The following COL1A2 variants were observed in gnomAD, a reference collection of about 807,000 sequenced individuals.
The protein encoded by COL1A2 is collagen type I alpha 2 chain.
Under a neutral mutation model 174.3 loss-of-function variants are expected in COL1A2, and 49 were observed. The ratio of observed to expected loss-of-function variants is 0.28; its 90% CI spans 0.22 to 0.36. COL1A2 has a LOEUF of 0.36. Ranked by LOEUF, COL1A2 falls within the 10% of genes least tolerant of loss-of-function variation. The pLI, the probability that COL1A2 is intolerant of heterozygous loss-of-function variation, is 1.00. For missense variants in COL1A2, 1,438 were observed against 1,822.7 expected (o/e 0.79, Z 3.84); for synonymous variants, 655 against 606.6 (o/e 1.08, Z -1.17).
At chr7:94,411,782 C>T (rs1008759642) in intron 23 of COL1A2, among the ~76,000 whole-genome samples, 6 of 152,102 alleles carry the variant, frequency 3.9e-5, no homozygotes, top group African/African-American at 1.2e-4. Context: ...AGGTAAATAA[C>T]GTGATACATT....
Position 94,425,612 on chromosome 7 carries a change from C to A in COL1A2, c.2784C>A (p.Gly928=), listed in dbSNP as rs1483107061. Residue 928 remains glycine (G), a splice_region_variant and synonymous_variant, in exon 43 of 52, where the codon GGC becomes GGA. Coordinates refer to ENST00000297268, the MANE Select transcript of COL1A2 (RefSeq NM_000089.4). ...TAATTTGTGTGGTGTCTTCACAGGG[C>A]AACCCTGGGAACGATGGTCCCCCAG... ...NGAPGEAGRD[G]NPGNDGPPGR... The A allele has an allele frequency of 2.5e-6, 4 of 1,614,034 alleles. No homozygotes were observed. The highest frequency in any genetic ancestry group is 1.1e-5 in the South Asian group (1 of 91,076).
Position 94,400,364 on chromosome 7 carries a change from C to A in COL1A2, c.225+76C>A, listed in dbSNP as rs1584313641. The A allele has an allele frequency of 3.2e-6, 4 of 1,241,584 alleles. No individual in the cohort carries two copies. The East Asian group carries it at 7.0e-5, about 22-fold the overall frequency. The allele number at this position is 1,241,584 out of a possible 1,614,324, so 76.9% of individuals were successfully genotyped here. ...GGTTTATTGTGGAATTTATTTTTAG[C>A]AGTTAAGGGATAATTCTTCCATTTG... On this transcript the variant is annotated intron_variant, in intron 5 of 51. Coordinates refer to ENST00000297268, the MANE Select transcript of COL1A2 (RefSeq NM_000089.4).
At chr7:94,419,680 G>T (rs1242368448) in intron 34 of COL1A2, 129 bp downstream of exon 34, 1 of 985,254 alleles carries the variant, frequency 1.0e-6, no homozygotes, top group East Asian at 2.5e-5. Context: ...CCTAGCTATT[G>T]TGATAGAGCA....
chr7:94,427,661 C>T lies in COL1A2; in HGVS notation c.3302C>T (p.Pro1101Leu). ...PPGPPGPPGPPGVSGGGYDFG... is the reference protein window; with the variant it reads ...PPGPPGPPGPLGVSGGGYDFG... ...GGTCCCCCTGGCCCTCCTGGACCTCCAGGTGTAAGCGGTGGTGGTTATGAC... is the reference window on the plus strand; with the variant it reads ...GGTCCCCCTGGCCCTCCTGGACCTCTAGGTGTAAGCGGTGGTGGTTATGAC... Residue 1101 changes from proline (P) to leucine (L), a missense_variant, in exon 49 of 52, where the codon CCA becomes CTA. Pro to Leu is a moderately conservative substitution (Grantham distance 98, BLOSUM62 -3). This residue lies in a region of COL1A2 where 867 missense variants were observed against 1,213.7 expected (regional missense o/e 0.71). Transcript: ENST00000297268. The T allele has an allele frequency of 6.2e-7, 1 of 1,614,168 alleles. No individual in the cohort carries two copies. Among genetic ancestry groups the T allele is most frequent in the Non-Finnish European group, 8.5e-7 (1 of 1,180,030 alleles).
At chr7:94,410,013 T>C (rs563719173) in intron 19 of COL1A2, among the ~76,000 whole-genome samples, 192 bp downstream of exon 19, 1 of 152,356 alleles carries the variant, frequency 6.6e-6, no homozygotes, top group East Asian at 1.9e-4. Flanking sequence ...CTTCCTGTTA[T>C]CTTAAATCAT....
Position 94,417,789 on chromosome 7 carries a change from A to C in COL1A2, c.1929A>C (p.Gly643=). ...CATCTGGTCCTAGTGGACTCCCAGG[A>C]GAGAGGGGTGCTGCTGGCATACCTG... ...AGPSGPSGLP[G]ERGAAGIPGG... Residue 643 remains glycine, a synonymous_variant, in exon 32 of 52, where the codon GGA becomes GGC. Coordinates refer to ENST00000297268, the MANE Select transcript of COL1A2 (RefSeq NM_000089.4). 6.2e-7 allele frequency: 1 copy of C among 1,604,898 alleles called. No individual in the cohort carries two copies. Among genetic ancestry groups the C allele is most frequent in the South Asian group, 1.1e-5 (1 of 88,598 alleles).
At chr7:94,398,598 C>T (rs538783885) in intron 3 of COL1A2, among the ~76,000 whole-genome samples, 13 of 151,460 alleles carry the variant, frequency 8.6e-5, no homozygotes, top group Non-Finnish European at 1.8e-4. Flanking sequence ...TCTGTAATTA[C>T]ATTTATGTGA....
chr7:94,405,979 T>A (rs1181022432), intron 11 of COL1A2, among the ~76,000 whole-genome samples: 1 of 152,170 alleles, frequency 6.6e-6, no homozygotes, highest in Non-Finnish European at 1.5e-5. Flanking sequence ...ATTGAGTATT[T>A]ACAACCGTCT....
At chr7:94,412,470 C>G (rs1791948658) in intron 24 of COL1A2, 114 bp from the exon 25 acceptor site, 1 of 813,370 alleles carries the variant, frequency 1.2e-6, no homozygotes, top group African/African-American at 1.7e-5. Flanking sequence ...ACGCTTTATA[C>G]AAGAAGCTCT....
rs1256455889 is a variant in COL1A2, at chr7:94,425,241, G to A, written c.2781+17G>A. 6.2e-7 allele frequency: 1 copy of A among 1,605,622 alleles called. No homozygotes were observed. The highest frequency in any genetic ancestry group is 2.2e-5 in the East Asian group (1 of 44,834). Reference sequence around the variant, plus strand: ...GGTCGTGATGTGAGTCCAACACTTGGTTTGTAAAATAAAACTGAGCAGGAT... The same window carrying A: ...GGTCGTGATGTGAGTCCAACACTTGATTTGTAAAATAAAACTGAGCAGGAT... On this transcript the variant is annotated intron_variant, in intron 42 of 51. Transcript: ENST00000297268.
At position 94,409,371 on chromosome 7, in the gene COL1A2, C is replaced by A; in HGVS notation, c.842C>A (p.Pro281His). 1.2e-6 allele frequency: 2 copies of A among 1,614,118 alleles called. No homozygotes were observed. The highest frequency in any genetic ancestry group is 1.7e-6 in the Non-Finnish European group (2 of 1,180,028). ...GNAGPAGPAG[P>H]RGEVGLPGLS... Reference sequence around the variant, plus strand: ...GCTGGTCCTGCTGGTCCCGCCGGTCCCCGTGGTGAAGTGGGTCTTCCAGGC... The same window carrying A: ...GCTGGTCCTGCTGGTCCCGCCGGTCACCGTGGTGAAGTGGGTCTTCCAGGC... The change falls in exon 17 of 52, where the codon CCC becomes CAC. Residue 281 changes from proline (P) to histidine (H), a missense_variant. Transcript: ENST00000297268.
At position 94,431,172 on chromosome 7, in the gene COL1A2, T is replaced by C. The variant is rs1485822074; in HGVS notation, c.*779T>C. The C allele has an allele frequency of 6.6e-6, 1 of 152,614 alleles. No individual in the cohort carries two copies. The highest frequency in any genetic ancestry group is 1.5e-5 in the Non-Finnish European group (1 of 68,042). The allele number at this position is 152,614 out of a possible 1,614,324, so 9.5% of individuals were successfully genotyped here. ...TTGTACCTATTTTGTATATGTGAGATGTTTAAATAAATTGTGAAAAAAATG... is the reference window on the plus strand; with the variant it reads ...TTGTACCTATTTTGTATATGTGAGACGTTTAAATAAATTGTGAAAAAAATG... On this transcript the variant is annotated 3_prime_UTR_variant, in exon 52 of 52. Coordinates refer to ENST00000297268, the MANE Select transcript of COL1A2 (RefSeq NM_000089.4).
Position 94,394,930 on chromosome 7 carries a change from A to G in COL1A2, c.-102A>G. On this transcript the variant is annotated 5_prime_UTR_variant, in exon 1 of 52. Coordinates refer to ENST00000297268, the MANE Select transcript of COL1A2 (RefSeq NM_000089.4). The stretch of plus-strand genomic sequence containing the variant: ...CAGCAGGAGGTTTCGGCTAAGTTGG[A>G]GGTACTGGCCACGACTGCATGCCCG... The G allele has an allele frequency of 1.1e-6, 1 of 891,936 alleles. No homozygotes were observed. Among genetic ancestry groups the G allele is most frequent in the Non-Finnish European group, 1.9e-6 (1 of 524,686 alleles). 55.3% of individuals were successfully genotyped at this position (891,936 alleles called of 1,614,324 possible). A position where few individuals can be genotyped will look rare whatever the true frequency, so the allele number is the denominator to read the frequency against.
chr7:94,404,956 T>A (rs781443265), intron 9 of COL1A2, 64 bp downstream of exon 9: 268 of 1,577,482 alleles, frequency 1.7e-4, no homozygotes, highest in Admixed American at 2.8e-4. Flanking sequence ...AACAAGATTT[T>A]CTAGATTCAA....
At chr7:94,420,125 C>G in intron 34 of COL1A2, 108 bp from the exon 35 acceptor site, 1 of 1,421,382 alleles carries the variant, frequency 7.0e-7, no homozygotes, top group East Asian at 2.3e-5. Flanking sequence ...GTTATCTCTT[C>G]CAAGGCAACT....
intron 51 of COL1A2, 45 bp from the exon 52 acceptor site, chr7:94,430,202 A>G: frequency 6.3e-7 from 1 of 1,583,368 alleles, no homozygotes; most frequent in Non-Finnish European, 8.7e-7. Context: ...TATCAGATTC[A>G]GAAATAGTGA....
rs1791954283 is a variant in COL1A2 at position 94,412,698 on chromosome 7, A to G, written c.1503+16A>G. On this transcript the variant is annotated intron_variant, in intron 25 of 51. Transcript: ENST00000297268. ...AGGCCCCACTGTAAGAATCACCACA[A>G]CTTTCTTACCCTCAGCACTTTCTGT... 2 of 1,606,630 alleles carry G rather than the reference A, an allele frequency of 1.2e-6. No individual in the cohort carries two copies. Among genetic ancestry groups the G allele is most frequent in the African/African-American group, 1.3e-5 (1 of 74,834 alleles).
Position 94,409,819 on chromosome 7 carries a change from G to C in COL1A2, c.1033G>C (p.Val345Leu). The C allele has an allele frequency of 6.2e-7, 1 of 1,614,012 alleles. No individual in the cohort carries two copies. The highest frequency in any genetic ancestry group is 8.5e-7 in the Non-Finnish European group (1 of 1,179,972). ...AAGATGARGL[V>L]GEPGPAGSKG... ...CGGTGCTACTGGTGCCAGAGGACTT[G>C]TTGTAAGTGGTCATGACTGTGGTTC... The change falls in exon 19 of 52, where the codon GTT becomes CTT. Residue 345 changes from valine (V) to leucine (L), a missense_variant and splice_region_variant. By Grantham distance (32) the Val-to-Leu change is conservative. Transcript: ENST00000297268.
At position 94,410,286 on chromosome 7, in the gene COL1A2, G is replaced by A. The variant is rs1791894333; in HGVS notation, c.1080G>A (p.Lys360=). The A allele has an allele frequency of 5.6e-6, 9 of 1,613,996 alleles. No homozygotes were observed. The highest frequency in any genetic ancestry group is 7.6e-6 in the Non-Finnish European group (9 of 1,180,022). ...PAGSKGESGN[K]GEPGSAGPQG... is the part of the protein sequence containing the mutation. ...GCTCCAAAGGAGAGAGCGGTAACAA[G>A]GGTGAGCCCGTAAGTAGCTCTATCA... Residue 360 remains lysine, a synonymous_variant, in exon 20 of 52, where the codon AAG becomes AAA. Coordinates refer to ENST00000297268, the MANE Select transcript of COL1A2 (RefSeq NM_000089.4).
Sources: allele counts gnomAD v4.1 joint callset (sites outside exome capture counted in the v4.1 genomes callset), GRCh38; gene constraint gnomAD v4.1.1; regional missense constraint gnomAD v4.1.1; transcripts MANE v1.5; gene names NCBI Gene and HGNC (gene_info 2026-07-23, HGNC 2026-07-21).